Variants in ESYT1 observed in about 807,000 individuals in gnomAD.
ESYT1 encodes the protein extended synaptotagmin 1, also known as extended synaptotagmin-1.
A neutral mutation model predicts 154.2 loss-of-function variants in ESYT1; 116 were observed. That is an observed-to-expected ratio of 0.75 (90% confidence interval 0.65 to 0.88). ESYT1 has a LOEUF of 0.88. Among genes scored for constraint, ESYT1 ranks in the 40% least tolerant of loss-of-function variants. The pLI, the probability that ESYT1 is intolerant of heterozygous loss-of-function variation, is 0.00. For missense variants in ESYT1, 1,264 were observed against 1,379.3 expected (o/e 0.92, Z 1.32); for synonymous variants, 500 against 539.9 (o/e 0.93, Z 1.02).
Position 56,128,464 on chromosome 12 carries a change from G to A in ESYT1, c.145G>A (p.Gly49Ser). The A allele has an allele frequency of 1.2e-6, 2 of 1,611,532 alleles. No homozygotes were observed. Among genetic ancestry groups the A allele is most frequent in the Non-Finnish European group, 1.7e-6 (2 of 1,178,772 alleles). ...CCAACCTGCTGGCCCTGGCGCGGCG[G>A]GTGAGGCCCTGGCGGTGCTGACTTC... Reference protein sequence around the residue: ...GGQPAGPGAAGEALAVLTSFG... With the variant: ...GGQPAGPGAASEALAVLTSFG... Residue 49 changes from glycine (G) to serine (S), a missense_variant, in exon 1 of 31, where the codon GGT becomes AGT. Physicochemically the swap from Gly to Ser is moderately conservative, Grantham distance 56. Coordinates refer to ENST00000394048, the MANE Select transcript of ESYT1 (RefSeq NM_015292.3).
At chr12:56,131,002 C>T (rs1870209957) in intron 3 of ESYT1, 38 bp from the exon 4 acceptor site, 2 of 1,613,920 alleles carry the variant, frequency 1.2e-6, no homozygotes, top group Non-Finnish European at 1.7e-6. Flanking sequence ...GTACTTCTCC[C>T]TATCCCTGCC....
rs1291790238 is a variant in ESYT1 at position 56,143,794 on chromosome 12, ATCTT to A, written c.3276-25_3276-22del. 4 of 1,614,006 alleles carry A rather than the reference ATCTT, an allele frequency of 2.5e-6. No homozygotes were observed. The African/African-American group carries it at 5.3e-5, about 22-fold the overall frequency. On this transcript the variant is annotated intron_variant, in intron 30 of 30. Transcript: ENST00000394048. ...TTATAAATATGATGACACAAGAGTC[ATCTT>A]TCTACATGAGCCCTCTTTTCACAGG...
chr12:56,136,087 C>CAGAAGAAT (rs1287433149), intron 15 of ESYT1, among the ~76,000 whole-genome samples: 2 of 141,214 alleles, frequency 1.4e-5, no homozygotes, highest in Non-Finnish European at 3.1e-5. Flanking sequence ...AAAAAAGGAA[C>CAGAAGAAT]AGAAGAATAG....
intron 24 of ESYT1, among the ~76,000 whole-genome samples, chr12:56,141,955 G>A (rs1287218723): frequency 5.3e-5 from 8 of 152,136 alleles, no homozygotes. Flanking sequence ...AAAATTGGCT[G>A]GGCGTGGTGG....
At position 56,139,028 on chromosome 12, in the gene ESYT1, T is replaced by A; in HGVS notation, c.2592+15T>A. 1 of 1,600,874 alleles carries A rather than the reference T, an allele frequency of 6.2e-7. No homozygotes were observed. Among genetic ancestry groups the A allele is most frequent in the Non-Finnish European group, 8.6e-7 (1 of 1,167,970 alleles). On this transcript the variant is annotated intron_variant, in intron 24 of 30. Transcript: ENST00000394048. ...TAGAGTTGCAGGTACTGTAAATTCA[T>A]TCTTCAAATATTTAGCAGATTTCTG...
chr12:56,138,601 C>T (rs1870561843), intron 22 of ESYT1, 102 bp downstream of exon 22: 2 of 1,345,152 alleles, frequency 1.5e-6, no homozygotes, highest in South Asian at 2.5e-5. Context: ...AATGGCCCCT[C>T]TCTTTCTGAG....
At chr12:56,136,258 G>A (rs1456146908) in intron 15 of ESYT1, among the ~76,000 whole-genome samples, 1 of 151,942 alleles carries the variant, frequency 6.6e-6, no homozygotes, top group Non-Finnish European at 1.5e-5. Context: ...ATAGGCCGAG[G>A]GAAGAGAATG....
At chr12:56,143,385 C>G (rs773932847) in intron 29 of ESYT1, 52 bp downstream of exon 29, 1 of 1,580,850 alleles carries the variant, frequency 6.3e-7, no homozygotes, top group Non-Finnish European at 8.7e-7. Flanking sequence ...CTGCTGGCAC[C>G]AAGGTTATAG....
chr12:56,133,780 G>A lies in ESYT1; in HGVS notation c.1381-1G>A. On this transcript the variant is annotated splice_acceptor_variant, in intron 12 of 30. Transcript: ENST00000394048. LOFTEE classifies it high-confidence loss of function. ...ATCTGACTACTACCACCCCTCCCCA[G>A]GTTCTACAGTGGAATTGGGGAGTCT... 6.2e-7 allele frequency: 1 copy of A among 1,614,092 alleles called. No individual in the cohort carries two copies. Among genetic ancestry groups the A allele is most frequent in the Non-Finnish European group, 8.5e-7 (1 of 1,179,976 alleles).
At chr12:56,136,668 G>A in intron 15 of ESYT1, 76 bp from the exon 16 acceptor site, 5 of 1,360,934 alleles carry the variant, frequency 3.7e-6, no homozygotes, top group East Asian at 2.4e-5. Flanking sequence ...TGAAGTTGGA[G>A]CCATGTTATC....
chr12:56,143,199 C>T (rs1231276663), intron 28 of ESYT1, 29 bp from the exon 29 acceptor site: 1 of 1,614,138 alleles, frequency 6.2e-7, no homozygotes, highest in African/African-American at 1.3e-5. Flanking sequence ...GAAAGGACTC[C>T]TGGCCCCTAA....
At chr12:56,140,056 TGA>T (rs1592249383) in intron 24 of ESYT1, among the ~76,000 whole-genome samples, 1 of 151,938 alleles carries the variant, frequency 6.6e-6, no homozygotes, top group East Asian at 1.9e-4. Context: ...TTTGTGGAGA[TGA>T]GGTTTTACCA....
rs1181835513 is a variant in ESYT1, at chr12:56,136,733, T to C, written c.1633-11T>C. On this transcript the variant is annotated splice_polypyrimidine_tract_variant and intron_variant, in intron 15 of 30. Coordinates refer to ENST00000394048, the MANE Select transcript of ESYT1 (RefSeq NM_015292.3). ...ATCCCTTCACTACAGTCCTTCCTCC[T>C]GTGCCTGTAGGTGAAGGATGATTCC... The C allele has an allele frequency of 4.4e-6, 7 of 1,592,670 alleles. No individual in the cohort carries two copies. The highest frequency in any genetic ancestry group is 5.1e-6 in the Non-Finnish European group (6 of 1,168,840).
chr12:56,141,472 G>A (rs560750951), intron 24 of ESYT1, among the ~76,000 whole-genome samples: 3 of 152,358 alleles, frequency 2.0e-5, no homozygotes, highest in South Asian at 2.1e-4. Flanking sequence ...TGGGCGCGGT[G>A]GCTCACGCCT....
Position 56,142,948 on chromosome 12 carries a change from C to T in ESYT1, c.2987+15C>T, listed in dbSNP as rs1870769248. On this transcript the variant is annotated intron_variant, in intron 27 of 30. Transcript: ENST00000394048. The surrounding 1 kb of genome is among the most constrained non-coding windows in gnomAD (Gnocchi z 4.1). ...CATGGTTGCCGGTGAGACCCCATCCCTCCTGTCCTCCAGATCGCCTCCATC... is the reference window on the plus strand; with the variant it reads ...CATGGTTGCCGGTGAGACCCCATCCTTCCTGTCCTCCAGATCGCCTCCATC... The T allele has an allele frequency of 1.2e-6, 2 of 1,614,000 alleles. No individual in the cohort carries two copies. Among genetic ancestry groups the T allele is most frequent in the African/African-American group, 1.3e-5 (1 of 74,940 alleles).
Position 56,144,502 on chromosome 12 carries a change from T to A in ESYT1, c.*640T>A. 1.0e-6 allele frequency: 1 copy of A among 985,824 alleles called. No homozygotes were observed. The highest frequency in any genetic ancestry group is 4.7e-5 in the South Asian group (1 of 21,308). The allele number at this position is 985,824 out of a possible 1,614,324, so 61.1% of individuals were successfully genotyped here. The stretch of plus-strand genomic sequence containing the variant: ...AGTAGTGGCATATCAGTCTTGGAGC[T>A]CCTAGCTGGTGATACGGAGAGGGCT... On this transcript the variant is annotated 3_prime_UTR_variant, in exon 31 of 31. Coordinates refer to ENST00000394048, the MANE Select transcript of ESYT1 (RefSeq NM_015292.3).
intron 2 of ESYT1, 24 bp downstream of exon 2, chr12:56,130,647 T>G (rs763812155): frequency 1.2e-6 from 2 of 1,614,136 alleles, no homozygotes; most frequent in South Asian, 2.2e-5. Flanking sequence ...TGATTTTTAG[T>G]CTTCATGAGG....
At chr12:56,131,352 G>A in intron 5 of ESYT1, 36 bp downstream of exon 5, 1 of 1,613,398 alleles carries the variant, frequency 6.2e-7, no homozygotes, top group South Asian at 1.1e-5. Context: ...AATAGGGAAT[G>A]TTTGTCCTGC....
At chr12:56,135,106 G>C (rs1257567370) in intron 15 of ESYT1, among the ~76,000 whole-genome samples, 1 of 151,534 alleles carries the variant, frequency 6.6e-6, no homozygotes, top group Admixed American at 6.6e-5. Context: ...CTGAGGCTGG[G>C]CACGGTACCT....
Sources: gnomAD v4.1 joint callset for allele counts (sites outside exome capture counted in the v4.1 genomes callset) on GRCh38, gnomAD v4.1.1 for gene constraint, Gnocchi (gnomAD v3.1) non-coding constraint, MANE v1.5 for transcripts, NCBI Gene and HGNC (gene_info 2026-07-23, HGNC 2026-07-21) for gene names.